Variants in SWAP70 observed in about 807,000 individuals in gnomAD.
The protein encoded by SWAP70 is switching B cell complex subunit SWAP70, also known as switch-associated protein 70.
SWAP70 carries 34 observed loss-of-function variants against 80.2 expected under a neutral mutation model. The ratio of observed to expected loss-of-function variants is 0.42; its 90% CI spans 0.32 to 0.56. The LOEUF is 0.56. SWAP70 is among the 20% of genes least tolerant of loss of function. SWAP70 has a pLI of 0.09. For missense variants in SWAP70, 578 were observed against 690.7 expected (o/e 0.84, Z 1.83); for synonymous variants, 239 against 238.5 (o/e 1.00, Z -0.02).
chr11:9,747,895 G>A lies in SWAP70; in HGVS notation c.1393G>A (p.Glu465Lys), dbSNP rs760947467. ...AGAGTCTTCCAAGAGGGCTGAACTA[G>A]AAAAGTGGCACTTGGAGCAGCAGCA... ...EEESSKRAEL[E>K]KWHLEQQQAI... Residue 465 changes from glutamate to lysine, a missense_variant, in exon 10 of 12, where the codon GAA (glutamate) becomes AAA (lysine). Glu to Lys is a moderately conservative substitution (Grantham distance 56). Coordinates refer to ENST00000318950, the MANE Select transcript of SWAP70 (RefSeq NM_015055.4). The A allele has an allele frequency of 1.9e-6, 3 of 1,614,216 alleles. No individual in the cohort carries two copies. The highest frequency in any genetic ancestry group is 2.5e-6 in the Non-Finnish European group (3 of 1,180,034).
At position 9,724,746 on chromosome 11, in the gene SWAP70, A is replaced by G; in HGVS notation, c.503A>G (p.Asp168Gly). 2 of 1,614,188 alleles carry G rather than the reference A, an allele frequency of 1.2e-6. No individual in the cohort carries two copies. Among genetic ancestry groups the G allele is most frequent in the Non-Finnish European group, 1.7e-6 (2 of 1,180,010 alleles). The change falls in exon 4 of 12, where the codon GAC becomes GGC. Residue 168 changes from aspartate to glycine, a missense_variant. Asp to Gly is a moderately conservative substitution (Grantham distance 94). Transcript: ENST00000318950. ...QFEHYKINFD[D>G]SKNGLSAWEL... ...GAACATTATAAAATCAACTTTGATGACAGTAAAAATGGCCTTTCTGCATGG... is the reference window on the plus strand; with the variant it reads ...GAACATTATAAAATCAACTTTGATGGCAGTAAAAATGGCCTTTCTGCATGG...
At chr11:9,682,794 A>G (rs1269125749) in intron 1 of SWAP70, among the ~76,000 whole-genome samples, 2 of 152,182 alleles carry the variant, frequency 1.3e-5, no homozygotes, top group African/African-American at 4.8e-5. Flanking sequence ...CTCATGCCTC[A>G]GCCTCCCAAG....
At chr11:9,744,774 G>A (rs887537906) in intron 9 of SWAP70, among the ~76,000 whole-genome samples, 20 of 151,970 alleles carry the variant, frequency 1.3e-4, no homozygotes, top group African/African-American at 4.8e-4. Context: ...TGGGCGTGGT[G>A]GTGCATGCCT....
intron 8 of SWAP70, 38 bp downstream of exon 8, chr11:9,738,358 C>G: frequency 2.0e-6 from 3 of 1,513,314 alleles, no homozygotes; most frequent in Non-Finnish European, 2.7e-6. Context: ...GCTGCAGTAG[C>G]TCAGCCTGGG....
intron 1 of SWAP70, among the ~76,000 whole-genome samples, chr11:9,674,058 C>T (rs1850454282): frequency 1.3e-5 from 2 of 152,076 alleles, no homozygotes; most frequent in Admixed American, 6.6e-5. Flanking sequence ...TGCCACCATA[C>T]CCGGCTAATT....
In SWAP70 at chr11:9,668,447, C is replaced by A. The variant is rs552315419; in HGVS notation, c.99+4169C>A. Among the ~76,000 whole-genome samples the A allele has an allele frequency of 4.9e-4, 75 of 152,332 alleles. 1 individual carries two copies. Among genetic ancestry groups the A allele is most frequent in the African/African-American group, 1.7e-3 (71 of 41,578 alleles). ...ACTTTGGGATTGGTTCAGTTCTGTT[C>A]ATCTTGCCAGTGTTCGTAGAATTGA... is the stretch of plus-strand genomic sequence containing the variant. On this transcript the variant is annotated intron_variant, in intron 1 of 11. Transcript: ENST00000318950.
intron 9 of SWAP70, among the ~76,000 whole-genome samples, chr11:9,743,535 A>G (rs550652628): frequency 1.3e-5 from 2 of 151,328 alleles, no homozygotes; most frequent in Non-Finnish European, 2.9e-5. Flanking sequence ...AAGTGTTCCT[A>G]TTTCTCCACA....
intron 1 of SWAP70, among the ~76,000 whole-genome samples, chr11:9,672,576 G>A (rs1232612119): frequency 9.6e-6 from 1 of 103,708 alleles, no homozygotes; most frequent in East Asian, 2.8e-4. Context: ...GTCTCACTTT[G>A]CTGCTTAGGC....
chr11:9,738,109 A>G, intron 7 of SWAP70, 104 bp from the exon 8 acceptor site: 1 of 643,820 alleles, frequency 1.6e-6, no homozygotes, highest in Middle Eastern at 2.6e-4. Context: ...TTGAATGTTA[A>G]GAATGTTTGG....
At chr11:9,698,354 G>C (rs1850788123) in intron 2 of SWAP70, among the ~76,000 whole-genome samples, 1 of 151,856 alleles carries the variant, frequency 6.6e-6, no homozygotes, top group Middle Eastern at 3.4e-3. Context: ...GCCCCCATTG[G>C]CCTCCCAAAG....
intron 1 of SWAP70, among the ~76,000 whole-genome samples, chr11:9,672,195 C>CTCTATA (rs1554982641): frequency 5.1e-4 from 40 of 78,420 alleles, no homozygotes; most frequent in African/African-American, 1.7e-3. Flanking sequence ...ATGTGTGTGT[C>CTCTATA]TATATATATA....
intron 11 of SWAP70, 90 bp downstream of exon 11, chr11:9,749,273 C>T (rs1436829400): frequency 1.2e-5 from 8 of 648,862 alleles, no homozygotes; most frequent in African/African-American, 6.0e-5. Flanking sequence ...GATGGAGTCT[C>T]GCTCTGTCGC....
chr11:9,748,907 CCTT>C (rs1448809860), intron 10 of SWAP70, among the ~76,000 whole-genome samples, 177 bp from the exon 11 acceptor site: 1 of 152,166 alleles, frequency 6.6e-6, no homozygotes, highest in Non-Finnish European at 1.5e-5. Flanking sequence ...AGGTTACTGA[CCTT>C]CTCTGAACCC....
At chr11:9,748,655 G>T (rs1217911042) in intron 10 of SWAP70, among the ~76,000 whole-genome samples, 1 of 152,168 alleles carries the variant, frequency 6.6e-6, no homozygotes, top group Non-Finnish European at 1.5e-5. Flanking sequence ...CCCTCCTCGT[G>T]TCCCTTCAGC....
chr11:9,664,559 G>C (rs1354321083), intron 1 of SWAP70, among the ~76,000 whole-genome samples: 2 of 152,216 alleles, frequency 1.3e-5, no homozygotes, highest in Non-Finnish European at 2.9e-5. Context: ...AAGTCTGGAG[G>C]GCCAAGTGTG....
At chr11:9,685,093 T>G (rs1850614745) in intron 1 of SWAP70, among the ~76,000 whole-genome samples, 1 of 152,138 alleles carries the variant, frequency 6.6e-6, no homozygotes, top group African/African-American at 2.4e-5. Flanking sequence ...ATTGGGGGAC[T>G]TTGTTGTCCA....
chr11:9,725,569 A>ATTT lies in SWAP70; in HGVS notation c.642+701_642+703dup, dbSNP rs746391271. ...TATATATATATATATATATATATAT[A>ATTT]TTTTTTTTTTTTTTTTTTTCCAAGA... On this transcript the variant is annotated intron_variant, in intron 4 of 11. Transcript: ENST00000318950. 4.8e-3 allele frequency among the ~76,000 whole-genome samples: 127 copies of ATTT among 26,528 alleles called. 1 individual carries two copies. The highest frequency in any genetic ancestry group is 5.9e-3 in the Non-Finnish European group (90 of 15,274). The allele number at this position is 26,528 out of a possible 152,430, so 17.4% of individuals were successfully genotyped here.
Position 9,751,389 on chromosome 11 carries a change from G to C in SWAP70, c.*1419G>C, listed in dbSNP as rs1292220495. 6.6e-6 allele frequency: 1 copy of C among 152,194 alleles called. No individual in the cohort carries two copies. Among genetic ancestry groups the C allele is most frequent in the Non-Finnish European group, 1.5e-5 (1 of 68,044 alleles). The allele number at this position is 152,194 out of a possible 1,614,324, so 9.4% of individuals were successfully genotyped here. The stretch of plus-strand genomic sequence containing the variant: ...ATATGATCTATCTTTGGATTAAAAA[G>C]AACATTTATGAAATCAAGCCTTCTA... On this transcript the variant is annotated 3_prime_UTR_variant, in exon 12 of 12. Transcript: ENST00000318950.
chr11:9,671,394 A>C, intron 1 of SWAP70, among the ~76,000 whole-genome samples: 1 of 106,094 alleles, frequency 9.4e-6, no homozygotes, highest in South Asian at 3.0e-4. Context: ...ATATAAATAT[A>C]TATAAATATA....
Sources: allele counts gnomAD v4.1 joint callset (sites outside exome capture counted in the v4.1 genomes callset), GRCh38; gene constraint gnomAD v4.1.1; transcripts MANE v1.5; gene names NCBI Gene and HGNC (gene_info 2026-07-23, HGNC 2026-07-21).